NAV2: variants seen among roughly 807,000 people sequenced by gnomAD.
The protein encoded by NAV2 is neuron navigator 2.
In NAV2, 54 loss-of-function variants were observed where a neutral mutation model predicts 223.2. The observed-to-expected ratio is 0.24, with a 90% CI of 0.19 to 0.30. The LOEUF (loss-of-function observed/expected upper bound fraction) is 0.30. Ranked by LOEUF, NAV2 falls within the 10% of genes least tolerant of loss-of-function variation. The pLI is 1.00. For synonymous variants in NAV2, 1,279 were observed against 1,239.3 expected (o/e 1.03, Z -0.67); for missense variants, 2,806 against 3,147.5 (o/e 0.89, Z 2.60).
intron 1 of NAV2, among the ~76,000 whole-genome samples, chr11:19,399,046 G>T (rs1373983842): frequency 1.3e-5 from 2 of 152,206 alleles, no homozygotes; most frequent in African/African-American, 4.8e-5. Flanking sequence ...TCGGTTAAAA[G>T]ATCTTATTAC....
intron 3 of NAV2, among the ~76,000 whole-genome samples, chr11:19,866,381 A>T (rs932430244): frequency 6.6e-6 from 1 of 152,216 alleles, no homozygotes; most frequent in Non-Finnish European, 1.5e-5. Context: ...ATCCCTAGCC[A>T]GTGGAGAACT....
chr11:20,035,570 C>T (rs569262991), intron 11 of NAV2, among the ~76,000 whole-genome samples: 6 of 152,292 alleles, frequency 3.9e-5, no homozygotes, highest in East Asian at 1.9e-4. Context: ...GTGCCTGCTG[C>T]GGAGTCCTTC....
intron 1 of NAV2, among the ~76,000 whole-genome samples, chr11:19,687,352 C>T (rs540800219): frequency 6.6e-6 from 1 of 152,306 alleles, no homozygotes; most frequent in South Asian, 2.1e-4. Context: ...CAGCCATAAC[C>T]TGGTTCTGTG....
chr11:19,778,390 A>G (rs1236563356), intron 1 of NAV2: 3 of 455,000 alleles, frequency 6.6e-6, no homozygotes, highest in South Asian at 1.6e-5. Flanking sequence ...ATAAGAAATC[A>G]TATTTGTGGA....
At chr11:19,601,035 C>T (rs1168199060) in intron 1 of NAV2, among the ~76,000 whole-genome samples, 1 of 152,216 alleles carries the variant, frequency 6.6e-6, no homozygotes, top group African/African-American at 2.4e-5. Context: ...CAGATACAGT[C>T]TTGTTCTCTC....
chr11:19,385,481 T>C (rs938537491), intron 1 of NAV2, among the ~76,000 whole-genome samples: 1 of 152,224 alleles, frequency 6.6e-6, no homozygotes, highest in East Asian at 1.9e-4. Flanking sequence ...CTCAGATATA[T>C]GTATTATCTT....
chr11:19,552,128 G>T (rs1012807508), intron 1 of NAV2, among the ~76,000 whole-genome samples: 2 of 152,162 alleles, frequency 1.3e-5, no homozygotes, highest in Non-Finnish European at 2.9e-5. Context: ...AGCAAGACTG[G>T]TCAGTTTGGG....
chr11:19,524,921 A>G (rs937254441), intron 1 of NAV2, among the ~76,000 whole-genome samples: 18 of 152,188 alleles, frequency 1.2e-4, no homozygotes, highest in African/African-American at 3.1e-4. Context: ...GTGGCATATA[A>G]GATCAGTGTT....
chr11:19,654,998 A>C (rs990433161), intron 1 of NAV2, among the ~76,000 whole-genome samples: 3 of 152,248 alleles, frequency 2.0e-5, no homozygotes, highest in Non-Finnish European at 4.4e-5. Context: ...CTCATCTGAC[A>C]AAGGGCTAAT....
chr11:19,948,715 C>T lies in NAV2; in HGVS notation c.2280C>T (p.Thr760=), dbSNP rs773584166. Residue 760 remains threonine (T), a synonymous_variant, in exon 10 of 38, where the codon ACC becomes ACT. Transcript: ENST00000349880. Reference sequence around the variant, plus strand: ...GCACATTGGAAACCACGTTTGACACCAATGTCACCACGGAGATGAGTGGCC... The same window carrying T: ...GCACATTGGAAACCACGTTTGACACTAATGTCACCACGGAGATGAGTGGCC... ...THSTLETTFD[T]NVTTEMSGRS... The T allele has an allele frequency of 6.3e-7, 1 of 1,589,992 alleles. No homozygotes were observed. The highest frequency in any genetic ancestry group is 1.1e-5 in the South Asian group (1 of 89,324).
chr11:20,025,558 G>C (rs11825935), intron 11 of NAV2, among the ~76,000 whole-genome samples: 34,396 of 152,070 alleles, frequency 0.23, 5,234 homozygotes, highest in African/African-American at 0.43. Flanking sequence ...GCTTTCTAAC[G>C]CGACCAAGCT....
At chr11:19,827,616 C>T (rs2059706670) in intron 1 of NAV2, among the ~76,000 whole-genome samples, 1 of 152,230 alleles carries the variant, frequency 6.6e-6, no homozygotes, top group Non-Finnish European at 1.5e-5. Context: ...ACACACGCTG[C>T]CTCCCCTTCA....
At chr11:19,581,808 T>C (rs920828102) in intron 1 of NAV2, among the ~76,000 whole-genome samples, 1 of 152,226 alleles carries the variant, frequency 6.6e-6, no homozygotes, top group African/African-American at 2.4e-5. Context: ...CTATTGTGAA[T>C]AGTGCTGCAA....
chr11:19,807,067 T>C (rs1356743373), intron 1 of NAV2, among the ~76,000 whole-genome samples: 1 of 152,146 alleles, frequency 6.6e-6, no homozygotes, highest in African/African-American at 2.4e-5. Context: ...AGACTAGTCA[T>C]GTAACCAGCA....
At chr11:19,990,012 C>G (rs2051169793) in intron 11 of NAV2, among the ~76,000 whole-genome samples, 1 of 152,194 alleles carries the variant, frequency 6.6e-6, no homozygotes, top group South Asian at 2.1e-4. Context: ...GAACTCTGTC[C>G]TTCAGAGACA....
At chr11:19,909,689 G>T (rs2043152359) in intron 6 of NAV2, among the ~76,000 whole-genome samples, 1 of 152,106 alleles carries the variant, frequency 6.6e-6, no homozygotes, top group Non-Finnish European at 1.5e-5. Context: ...TCAGGAGCAA[G>T]CTTGGTCTTT....
chr11:19,509,278 T>G (rs2043205743), intron 1 of NAV2, among the ~76,000 whole-genome samples: 1 of 152,160 alleles, frequency 6.6e-6, no homozygotes, highest in African/African-American at 2.4e-5. Context: ...TTTGTGTGTG[T>G]GGGTGTGTGT....
chr11:19,695,945 T>C (rs895368071), intron 1 of NAV2, among the ~76,000 whole-genome samples: 5 of 85,684 alleles, frequency 5.8e-5, no homozygotes, highest in Non-Finnish European at 2.8e-5. Context: ...CTTTTTTTTT[T>C]TTCTAATCCT....
At chr11:20,039,429 C>A (rs890051649) in intron 12 of NAV2, among the ~76,000 whole-genome samples, 1 of 152,056 alleles carries the variant, frequency 6.6e-6, no homozygotes, top group Non-Finnish European at 1.5e-5. Context: ...TTATCTCTCC[C>A]TCCCTTCCTC....
Sources: gnomAD v4.1 joint callset for allele counts (sites outside exome capture counted in the v4.1 genomes callset) on GRCh38, gnomAD v4.1.1 for gene constraint, MANE v1.5 for transcripts, NCBI Gene and HGNC (gene_info 2026-07-23, HGNC 2026-07-21) for gene names.